PDGFRB: variants seen among roughly 807,000 people sequenced by gnomAD.
PDGFRB encodes the protein platelet derived growth factor receptor beta.
In PDGFRB, 42 loss-of-function variants were observed where a neutral mutation model predicts 120.2. That is an observed-to-expected ratio of 0.35 (90% confidence interval 0.27 to 0.45). The LOEUF (loss-of-function observed/expected upper bound fraction) is 0.45. Among genes scored for constraint, PDGFRB ranks in the 20% least tolerant of loss-of-function variants. The pLI, the probability that PDGFRB is intolerant of heterozygous loss-of-function variation, is 1.00. For missense variants in PDGFRB, 1,149 were observed against 1,476.3 expected, an observed-to-expected ratio of 0.78 and a Z score of 3.63; for synonymous variants, 586 against 606.8, an observed-to-expected ratio of 0.97 and a Z score of 0.50.
rs1465040004 is a variant in PDGFRB at position 150,114,600 on chromosome 5, T to C, written c.*1163A>G. The C allele has an allele frequency of 2.6e-5, 6 of 233,164 alleles. No individual in the cohort carries two copies. The highest frequency in any genetic ancestry group is 8.5e-6 in the Non-Finnish European group (1 of 117,840). The allele number at this position is 233,164 out of a possible 1,614,324, so 14.4% of individuals were successfully genotyped here. ...GTCAAGGCCTGTGCAGCTGTGTTCT[T>C]GAGACTTGCTGGGGGCCTGGGGAAG... is the stretch of plus-strand genomic sequence containing the variant. On this transcript the variant is annotated 3_prime_UTR_variant, in exon 23 of 23. Coordinates refer to ENST00000261799, the MANE Select transcript of PDGFRB (RefSeq NM_002609.4).
At position 150,129,785 on chromosome 5, in the gene PDGFRB, G is replaced by A; in HGVS notation, c.1551C>T (p.Asp517=). Residue 517 remains aspartate (D), a synonymous_variant, in exon 10 of 23, where the codon GAC becomes GAT. Transcript: ENST00000261799. ...GTGGCACCACGATGACCTCCTGCGT[G>A]TCCTGGCCCACAGCGTTGCGCAGCG... ...RCTLRNAVGQ[D]TQEVIVVPHS... is the part of the protein sequence containing the mutation. 1 of 1,613,788 alleles carries A rather than the reference G, an allele frequency of 6.2e-7. No individual in the cohort carries two copies. Among genetic ancestry groups the A allele is most frequent in the East Asian group, 2.2e-5 (1 of 44,894 alleles).
At chr5:150,116,645 A>C (rs1759942520) in intron 22 of PDGFRB, among the ~76,000 whole-genome samples, 1 of 152,074 alleles carries the variant, frequency 6.6e-6, no homozygotes, top group Non-Finnish European at 1.5e-5. Context: ...AATAATAAAA[A>C]AAAAAAGAAG....
In PDGFRB at chr5:150,130,071, T is replaced by C; in HGVS notation, c.1368-103A>G. ...GGAGGCAGGACGTGTCCAGTTCCTATGTCCCACTGCCTGTTTCCGAGCGGG... is the reference window on the plus strand; with the variant it reads ...GGAGGCAGGACGTGTCCAGTTCCTACGTCCCACTGCCTGTTTCCGAGCGGG... On this transcript the variant is annotated intron_variant, in intron 9 of 22. Transcript: ENST00000261799. The C allele has an allele frequency of 8.9e-6, 8 of 896,432 alleles. No homozygotes were observed. The Admixed American group carries it at 1.3e-4, about 14-fold the overall frequency. 55.5% of individuals were successfully genotyped at this position (896,432 alleles called of 1,614,324 possible). A position where few individuals can be genotyped will look rare whatever the true frequency, so the allele number is the denominator to read the frequency against.
intron 1 of PDGFRB, among the ~76,000 whole-genome samples, chr5:150,150,923 G>A (rs1761060625): frequency 6.6e-6 from 1 of 152,128 alleles, no homozygotes; most frequent in Non-Finnish European, 1.5e-5. Flanking sequence ...AGCCCCTAGT[G>A]GGCCTTCCTC....
chr5:150,123,204 G>A lies in PDGFRB; in HGVS notation c.2024-3C>T, dbSNP rs2113893211. On this transcript the variant is annotated splice_polypyrimidine_tract_variant and splice_region_variant and intron_variant, in intron 14 of 22. Coordinates refer to ENST00000261799, the MANE Select transcript of PDGFRB (RefSeq NM_002609.4). Reference sequence around the variant, plus strand: ...CTCAGTGATGATATAGATGGGTCCTGCAGAGGGACAGGCTCAGGGACAGTC... The same window carrying A: ...CTCAGTGATGATATAGATGGGTCCTACAGAGGGACAGGCTCAGGGACAGTC... 1 of 1,611,866 alleles carries A rather than the reference G, an allele frequency of 6.2e-7. No homozygotes were observed.
At chr5:150,124,185 T>C in intron 14 of PDGFRB, 65 bp downstream of exon 14, 4 of 1,048,712 alleles carry the variant, frequency 3.8e-6, no homozygotes, top group Non-Finnish European at 5.8e-6. Context: ...GAGGGGGGGG[T>C]AGGCGGGGCC....
In PDGFRB at chr5:150,121,821, G is replaced by T; in HGVS notation, c.2344+59C>A. The T allele has an allele frequency of 7.7e-7, 1 of 1,304,598 alleles. No homozygotes were observed. The highest frequency in any genetic ancestry group is 1.1e-6 in the Non-Finnish European group (1 of 907,202). The allele number at this position is 1,304,598 out of a possible 1,614,324, so 80.8% of individuals were successfully genotyped here. ...TTCTCAGGGTTTTTGGCAAGGCTGG[G>T]CATGTGAAGAGCATCAGCCTGTTTG... is the stretch of plus-strand genomic sequence containing the variant. On this transcript the variant is annotated intron_variant, in intron 16 of 22. Transcript: ENST00000261799. The surrounding 1 kb of genome is among the most constrained non-coding windows in gnomAD (Gnocchi z 4.1).
chr5:150,146,347 C>G (rs1760920627), intron 1 of PDGFRB, among the ~76,000 whole-genome samples: 1 of 152,246 alleles, frequency 6.6e-6, no homozygotes, highest in Non-Finnish European at 1.5e-5. Context: ...GAGCCAGGCA[C>G]TCTGCTAAAT....
chr5:150,117,542 GCGCACACACACACA>G lies in PDGFRB; in HGVS notation c.3137+62_3137+75del, dbSNP rs1202329851. 257 of 463,378 alleles carry G rather than the reference GCGCACACACACACA, an allele frequency of 5.5e-4. No homozygotes were observed. In the African/African-American group the frequency reaches 7.6e-3, roughly 14 times the overall value. 28.7% of individuals were successfully genotyped at this position (463,378 alleles called of 1,614,324 possible). ...CAAACCTGGCAGCGCGCGCGCGCGC[GCGCACACACACACA>G]CACACACACACACACACACACACTG... On this transcript the variant is annotated intron_variant, in intron 22 of 22. Transcript: ENST00000261799.
rs180810176 is a variant in PDGFRB at position 150,137,221 on chromosome 5, G to A, written c.-6-168C>T. On this transcript the variant is annotated intron_variant, in intron 1 of 22. Transcript: ENST00000261799. Reference sequence around the variant, plus strand: ...GTCCCAAGCCTGAAAGGGCACTCATGACCACAGGCTGTCTCCTCTCCATCC... The same window carrying A: ...GTCCCAAGCCTGAAAGGGCACTCATAACCACAGGCTGTCTCCTCTCCATCC... 7.8e-5 allele frequency: 46 copies of A among 586,684 alleles called. No individual in the cohort carries two copies. The East Asian group carries it at 1.3e-3, about 16-fold the overall frequency. The allele number at this position is 586,684 out of a possible 1,614,324, so 36.3% of individuals were successfully genotyped here. A position where few individuals can be genotyped will look rare whatever the true frequency, so the allele number is the denominator to read the frequency against.
chr5:150,137,204 C>T (rs1760658284), intron 1 of PDGFRB, 151 bp from the exon 2 acceptor site: 2 of 607,804 alleles, frequency 3.3e-6, no homozygotes, highest in South Asian at 2.0e-5. Flanking sequence ...ACGTCCCAAG[C>T]CTGAAAGGGC....
intron 1 of PDGFRB, among the ~76,000 whole-genome samples, chr5:150,147,873 C>G (rs1393437610): frequency 6.6e-6 from 1 of 152,176 alleles, no homozygotes; most frequent in African/African-American, 2.4e-5. Flanking sequence ...CAGCCCTCTG[C>G]AAAGTTGGTG....
intron 1 of PDGFRB, among the ~76,000 whole-genome samples, chr5:150,151,085 G>A (rs190847496): frequency 2.6e-5 from 4 of 152,154 alleles, no homozygotes; most frequent in Admixed American, 2.6e-4. Context: ...TTCCATTAGT[G>A]GTCATCGATC....
At chr5:150,117,527 AGCGCGCGCGC>A (rs148754488) in intron 22 of PDGFRB, 81 bp downstream of exon 22, 51 of 557,306 alleles carry the variant, frequency 9.2e-5, no homozygotes, top group African/African-American at 3.1e-4. Context: ...CAAACCTGGC[AGCGCGCGCGC>A]GCGCGCGCAC....
At chr5:150,124,921 G>A (rs1285029511) in intron 12 of PDGFRB, 90 bp from the exon 13 acceptor site, 31 of 312,560 alleles carry the variant, frequency 9.9e-5, no homozygotes, top group Non-Finnish European at 1.4e-4. Context: ...CCCTACCCCC[G>A]GCCGCTATCA....
Position 150,120,246 on chromosome 5 carries a change from T to C in PDGFRB, c.2587-123A>G. 1.5e-6 allele frequency: 1 copy of C among 653,742 alleles called. No homozygotes were observed. The highest frequency in any genetic ancestry group is 2.8e-6 in the Non-Finnish European group (1 of 355,042). 40.5% of individuals were successfully genotyped at this position (653,742 alleles called of 1,614,324 possible). On this transcript the variant is annotated intron_variant, in intron 18 of 22. Transcript: ENST00000261799. The surrounding 1 kb of genome is among the most constrained non-coding windows in gnomAD (Gnocchi z 4.3). ...AACCACTTCTCCGTCCCATTCCCTG[T>C]GAGGGCCCTGGTCTCTGCGCAGCAC...
At chr5:150,124,920 C>T (rs555926940) in intron 12 of PDGFRB, 89 bp from the exon 13 acceptor site, 14 of 636,290 alleles carry the variant, frequency 2.2e-5, no homozygotes, top group East Asian at 8.3e-5. Flanking sequence ...CCCCTACCCC[C>T]GGCCGCTATC....
intron 2 of PDGFRB, among the ~76,000 whole-genome samples, chr5:150,136,337 A>AG (rs1760631533): frequency 6.6e-6 from 1 of 151,992 alleles, no homozygotes; most frequent in East Asian, 1.9e-4. Context: ...GGTAGCTCAG[A>AG]GGGGGGCCAG....
intron 1 of PDGFRB, among the ~76,000 whole-genome samples, chr5:150,146,195 G>A (rs1025348382): frequency 6.6e-6 from 1 of 152,162 alleles, no homozygotes; most frequent in African/African-American, 2.4e-5. Context: ...ATTACACTGA[G>A]TACAGTTTAT....
Sources: allele counts gnomAD v4.1 joint callset (sites outside exome capture counted in the v4.1 genomes callset), GRCh38; gene constraint gnomAD v4.1.1; non-coding constraint Gnocchi (gnomAD v3.1); transcripts MANE v1.5; gene names NCBI Gene and HGNC (gene_info 2026-07-23, HGNC 2026-07-21).